Variants in KLF12 observed in about 807,000 individuals in gnomAD.
KLF12 encodes KLF transcription factor 12.
Under a neutral mutation model 37.8 loss-of-function variants are expected in KLF12, and 9 were observed. That is an observed-to-expected ratio of 0.24 (90% confidence interval 0.14 to 0.42). KLF12 has a LOEUF of 0.42. Ranked by LOEUF, KLF12 falls within the 10% of genes least tolerant of loss-of-function variation. The pLI, the probability that KLF12 is intolerant of heterozygous loss-of-function variation, is 1.00. For missense variants in KLF12, 411 were observed against 516.0 expected, an observed-to-expected ratio of 0.80 and a Z score of 1.97; for synonymous variants, 208 against 202.1, an observed-to-expected ratio of 1.03 and a Z score of -0.25.
At chr13:73,795,507 T>C (rs556884351) in intron 5 of KLF12, among the ~76,000 whole-genome samples, 32 of 152,334 alleles carry the variant, frequency 2.1e-4, no homozygotes, top group African/African-American at 7.2e-4. Context: ...AGTGATGCCA[T>C]TTTATAGAAC....
chr13:73,806,572 A>G (rs1012402798), intron 5 of KLF12, among the ~76,000 whole-genome samples: 1 of 151,328 alleles, frequency 6.6e-6, no homozygotes, highest in Non-Finnish European at 1.5e-5. Context: ...AGAGGAAGGG[A>G]GCTTCCCCTT....
intron 4 of KLF12, among the ~76,000 whole-genome samples, chr13:73,823,136 T>C (rs1053072152): frequency 6.6e-6 from 1 of 152,234 alleles, no homozygotes. Flanking sequence ...AGTTGGTCTG[T>C]TGCCCCTATC....
chr13:74,006,652 A>G (rs1311096558), intron 1 of KLF12, among the ~76,000 whole-genome samples: 1 of 152,116 alleles, frequency 6.6e-6, no homozygotes, highest in South Asian at 2.1e-4. Context: ...TGAAGTCACT[A>G]TTTTTCCCTC....
the KLF12 span, among the ~76,000 whole-genome samples, chr13:74,238,156 T>A: frequency 5.3e-5 from 7 of 132,588 alleles, 3 homozygotes; most frequent in African/African-American, 2.7e-4. Context: ...TGAAGGGTTG[T>A]TGAATTTTGT....
intron 7 of KLF12, among the ~76,000 whole-genome samples, chr13:73,706,529 ACT>A (rs962947288): frequency 3.3e-5 from 5 of 152,088 alleles, no homozygotes. Flanking sequence ...GGTTAAAATG[ACT>A]CTCTTCCCCA....
At chr13:73,866,743 T>C (rs1368391469) in intron 3 of KLF12, among the ~76,000 whole-genome samples, 1 of 151,736 alleles carries the variant, frequency 6.6e-6, no homozygotes. Context: ...TATAGAAATA[T>C]GGAAATACAA....
intron 4 of KLF12, among the ~76,000 whole-genome samples, chr13:73,828,805 CTTT>C (rs368849743): frequency 0.028 from 4,243 of 152,276 alleles, 78 homozygotes; most frequent in African/African-American, 0.042. Context: ...ATTTCCGCTT[CTTT>C]TAAGTACTTT....
At chr13:73,958,474 A>C (rs1570743) in intron 2 of KLF12, among the ~76,000 whole-genome samples, 111,039 of 151,948 alleles carry the variant, frequency 0.73, 41,275 homozygotes, top group East Asian at 0.88. Context: ...AACTCCTGAC[A>C]TAAGGTGATC....
chr13:74,133,702 G>A (rs557023610), intron 1 of KLF12, among the ~76,000 whole-genome samples: 2 of 151,584 alleles, frequency 1.3e-5, no homozygotes, highest in African/African-American at 2.4e-5. Context: ...AGAGGAGGGG[G>A]TTGTTTATTT....
At chr13:73,969,819 G>C (rs1593793226) in intron 2 of KLF12, among the ~76,000 whole-genome samples, 1 of 152,166 alleles carries the variant, frequency 6.6e-6, no homozygotes, top group East Asian at 1.9e-4. Context: ...CTTCTTCATA[G>C]GGCTACCATC....
chr13:74,295,449 C>T, the KLF12 span, among the ~76,000 whole-genome samples: 2 of 152,142 alleles, frequency 1.3e-5, no homozygotes, highest in Non-Finnish European at 2.9e-5. Flanking sequence ...GAGCCTGAGC[C>T]TTTGTACTTG....
chr13:73,836,041 GAA>G (rs60750362), intron 4 of KLF12, among the ~76,000 whole-genome samples: 1 of 139,172 alleles, frequency 7.2e-6, no homozygotes, highest in Non-Finnish European at 1.6e-5. Context: ...ATTATTAAAA[GAA>G]AAAAAAAAAG....
chr13:74,093,368 T>C (rs1875787974), intron 1 of KLF12, among the ~76,000 whole-genome samples: 1 of 152,362 alleles, frequency 6.6e-6, no homozygotes, highest in Admixed American at 6.5e-5. Flanking sequence ...CAGAACTTTA[T>C]GTTAGACAGA....
chr13:74,074,938 T>C (rs1333946528), intron 1 of KLF12, among the ~76,000 whole-genome samples: 1 of 152,226 alleles, frequency 6.6e-6, no homozygotes, highest in African/African-American at 2.4e-5. Context: ...AGCACAGCAG[T>C]ATGCCAAGAG....
the KLF12 span, among the ~76,000 whole-genome samples, chr13:74,172,254 T>A: frequency 6.6e-6 from 1 of 151,898 alleles, no homozygotes; most frequent in Non-Finnish European, 1.5e-5. Context: ...GTATTTTCTG[T>A]AAAAAGGCAC....
At chr13:73,814,787 C>G (rs952483437) in intron 4 of KLF12, among the ~76,000 whole-genome samples, 1 of 151,966 alleles carries the variant, frequency 6.6e-6, no homozygotes. Context: ...CTACTGGCAT[C>G]TAGTGGGCAG....
chr13:74,083,493 G>GAC (rs61312097), intron 1 of KLF12, among the ~76,000 whole-genome samples: 16,093 of 136,286 alleles, frequency 0.12, 955 homozygotes, highest in East Asian at 0.18. Context: ...GGCGATAGGA[G>GAC]ACACACACAC....
At chr13:73,948,123 T>G (rs1593771171) in intron 2 of KLF12, among the ~76,000 whole-genome samples, 1 of 152,204 alleles carries the variant, frequency 6.6e-6, no homozygotes, top group East Asian at 1.9e-4. Context: ...TAAGAATATG[T>G]CGCCCCTGCC....
At chr13:73,980,151 T>G (rs1310776351) in intron 2 of KLF12, among the ~76,000 whole-genome samples, 1 of 152,140 alleles carries the variant, frequency 6.6e-6, no homozygotes, top group Non-Finnish European at 1.5e-5. Flanking sequence ...CCTAATGCAT[T>G]TGAAAGCTTA....
Sources: gnomAD v4.1 joint callset for allele counts (sites outside exome capture counted in the v4.1 genomes callset) on GRCh38, gnomAD v4.1.1 for gene constraint, MANE v1.5 for transcripts, NCBI Gene and HGNC (gene_info 2026-07-23, HGNC 2026-07-21) for gene names.